Variants in STK38 observed in about 807,000 individuals in gnomAD.
STK38 encodes the protein serine/threonine-protein kinase 38.
STK38 carries 26 observed loss-of-function variants against 59.0 expected under a neutral mutation model. The observed-to-expected ratio is 0.44, with a 90% CI of 0.32 to 0.61. The LOEUF (loss-of-function observed/expected upper bound fraction) is 0.61, where lower values mean the gene tolerates loss of function less well. Ranked by LOEUF, STK38 falls within the 20% of genes least tolerant of loss-of-function variation. The probability of loss-of-function intolerance (pLI) is 0.04; values close to 1 mark genes in which losing one functional copy is unlikely to be tolerated. For missense variants in STK38, 433 were observed against 566.0 expected (o/e 0.76, Z 2.38); for synonymous variants, 175 against 176.6 (o/e 0.99, Z 0.07).
intron 2 of STK38, among the ~76,000 whole-genome samples, chr6:36,535,953 T>A (rs983210444): frequency 7.3e-5 from 11 of 150,314 alleles, no homozygotes; most frequent in Admixed American, 2.0e-4. Flanking sequence ...AAATTTATAA[T>A]AAAATGCAAA....
intron 2 of STK38, among the ~76,000 whole-genome samples, chr6:36,538,891 CAAAAAAAA>C (rs1214217676): frequency 1.8e-5 from 1 of 54,140 alleles, no homozygotes; most frequent in South Asian, 6.8e-4. Flanking sequence ...GACTCTGTCT[CAAAAAAAA>C]AAAAAAAAAA....
At chr6:36,497,466 T>A (rs913635596) in intron 12 of STK38, among the ~76,000 whole-genome samples, 1 of 152,218 alleles carries the variant, frequency 6.6e-6, no homozygotes, top group Non-Finnish European at 1.5e-5. Flanking sequence ...GCAGGAACAG[T>A]CCCGCTGGCG....
intron 3 of STK38, among the ~76,000 whole-genome samples, chr6:36,525,049 G>A (rs941549051): frequency 2.6e-5 from 4 of 152,078 alleles, no homozygotes; most frequent in African/African-American, 9.7e-5. Context: ...AAGATTTCAG[G>A]AACATGACAC....
chr6:36,506,837 T>C (rs1216968751), intron 8 of STK38, among the ~76,000 whole-genome samples, 193 bp from the exon 9 acceptor site: 2 of 145,302 alleles, frequency 1.4e-5, no homozygotes, highest in Non-Finnish European at 3.1e-5. Flanking sequence ...AGCATTAACT[T>C]AAAAGACTCA....
intron 1 of STK38, among the ~76,000 whole-genome samples, chr6:36,543,635 T>C (rs1445734101): frequency 1.3e-5 from 2 of 151,210 alleles, no homozygotes; most frequent in Non-Finnish European, 2.9e-5. Context: ...ATCATGAGAG[T>C]CAAAGGGCCA....
At chr6:36,497,704 G>T in intron 12 of STK38, 76 bp downstream of exon 12, 2 of 1,225,950 alleles carry the variant, frequency 1.6e-6, no homozygotes, top group Non-Finnish European at 2.3e-6. Flanking sequence ...GCTTGCCAAT[G>T]ATGGTCCTTC....
chr6:36,524,250 T>C, intron 4 of STK38, 91 bp downstream of exon 4: 2 of 1,456,332 alleles, frequency 1.4e-6, no homozygotes, highest in Non-Finnish European at 1.8e-6. Flanking sequence ...TTCCATATAT[T>C]TGTTATATCA....
intron 6 of STK38, 73 bp downstream of exon 6, chr6:36,517,644 G>A: frequency 6.4e-7 from 1 of 1,571,646 alleles, no homozygotes; most frequent in Non-Finnish European, 8.6e-7. Flanking sequence ...TAGAAAGGAG[G>A]GTTAATCGTG....
chr6:36,539,787 T>A (rs1054816777), intron 2 of STK38, among the ~76,000 whole-genome samples: 2 of 150,002 alleles, frequency 1.3e-5, no homozygotes, highest in African/African-American at 4.9e-5. Context: ...AGTCTCAGTG[T>A]TGCTCAGGCT....
At chr6:36,503,015 C>G (rs1478284778) in intron 9 of STK38, among the ~76,000 whole-genome samples, 1 of 152,176 alleles carries the variant, frequency 6.6e-6, no homozygotes, top group Non-Finnish European at 1.5e-5. Context: ...TGGATGGACA[C>G]TGGATTATTC....
intron 13 of STK38, among the ~76,000 whole-genome samples, chr6:36,496,124 A>C (rs1218718572): frequency 6.7e-6 from 1 of 148,558 alleles, no homozygotes; most frequent in East Asian, 2.0e-4. Context: ...AGCTCACTGC[A>C]ACCTTGCCTC....
At chr6:36,509,427 G>A (rs1777049553) in intron 7 of STK38, among the ~76,000 whole-genome samples, 1 of 152,172 alleles carries the variant, frequency 6.6e-6, no homozygotes, top group Non-Finnish European at 1.5e-5. Context: ...AGGCTGGGAA[G>A]TTTTACAAAA....
chr6:36,544,515 T>C (rs189800833), intron 1 of STK38, among the ~76,000 whole-genome samples: 1 of 152,308 alleles, frequency 6.6e-6, no homozygotes, highest in African/African-American at 2.4e-5. Flanking sequence ...AGTTTTGTAC[T>C]TCCTTGTCTG....
chr6:36,511,156 G>A (rs964709516), intron 7 of STK38, among the ~76,000 whole-genome samples: 1 of 152,112 alleles, frequency 6.6e-6, no homozygotes, highest in African/African-American at 2.4e-5. Context: ...CCTTTCTCAA[G>A]GACATCATCA....
chr6:36,523,182 T>C (rs1293844330), intron 4 of STK38, among the ~76,000 whole-genome samples: 2 of 151,916 alleles, frequency 1.3e-5, no homozygotes, highest in South Asian at 2.1e-4. Flanking sequence ...AAGAAGCCAA[T>C]AGGAATTCTG....
intron 2 of STK38, among the ~76,000 whole-genome samples, chr6:36,531,261 T>C (rs1455947850): frequency 6.6e-6 from 1 of 152,214 alleles, no homozygotes; most frequent in African/African-American, 2.4e-5. Context: ...AAATTCTCAG[T>C]AAAATGTATG....
chr6:36,500,735 G>A (rs2127467280), intron 9 of STK38, among the ~76,000 whole-genome samples: 1 of 145,652 alleles, frequency 6.9e-6, no homozygotes, highest in African/African-American at 2.6e-5. Context: ...ACTCCAGCCT[G>A]GCGACAGAGT....
At chr6:36,498,241 G>T in intron 11 of STK38, 122 bp downstream of exon 11, 3 of 1,355,944 alleles carry the variant, frequency 2.2e-6, no homozygotes, top group Non-Finnish European at 3.0e-6. Context: ...CTTTTTATTT[G>T]TTTAAAGAGA....
At chr6:36,536,577 A>C (rs986161190) in intron 2 of STK38, among the ~76,000 whole-genome samples, 1 of 152,082 alleles carries the variant, frequency 6.6e-6, no homozygotes, top group Non-Finnish European at 1.5e-5. Context: ...CTCGTTGCCC[A>C]GGCTGGAGTT....
Sources: allele counts gnomAD v4.1 joint callset (sites outside exome capture counted in the v4.1 genomes callset), GRCh38; gene constraint gnomAD v4.1.1; transcripts MANE v1.5; gene names NCBI Gene and HGNC (gene_info 2026-07-23, HGNC 2026-07-21).